The following DCBLD1 variants were observed in gnomAD, a reference collection of about 807,000 sequenced individuals.
DCBLD1 encodes discoidin, CUB and LCCL domain containing 1.
DCBLD1 carries 57 observed loss-of-function variants against 71.5 expected under a neutral mutation model. The ratio of observed to expected loss-of-function variants is 0.80; its 90% CI spans 0.64 to 0.99. The LOEUF is 0.99. Ranked by LOEUF, DCBLD1 falls within the 50% of genes least tolerant of loss-of-function variation. The probability of loss-of-function intolerance (pLI) is 0.00; values close to 1 mark genes in which losing one functional copy is unlikely to be tolerated. For missense variants in DCBLD1, 891 were observed against 923.5 expected, an observed-to-expected ratio of 0.96 and a Z score of 0.46; for synonymous variants, 380 against 363.8, an observed-to-expected ratio of 1.04 and a Z score of -0.51.
chr6:117,512,838 T>A lies in DCBLD1; in HGVS notation c.326-6978T>A, dbSNP rs993640633. Among the ~76,000 whole-genome samples the A allele has an allele frequency of 3.9e-5, 6 of 152,222 alleles. No individual in the cohort carries two copies. The East Asian group carries it at 1.2e-3, about 29-fold the overall frequency. On this transcript the variant is annotated intron_variant, in intron 2 of 14. Coordinates refer to ENST00000338728, the MANE Select transcript of DCBLD1 (RefSeq NM_001366458.2). ...GACCTTTCAGGAGTTAGGTTTTTAT[T>A]TGATCTCTCAGTGGTTTTTCCCACT...
At chr6:117,510,611 G>A (rs1448971343) in intron 2 of DCBLD1, among the ~76,000 whole-genome samples, 1 of 152,120 alleles carries the variant, frequency 6.6e-6, no homozygotes, top group Non-Finnish European at 1.5e-5. Context: ...ATTTAGCATC[G>A]TCTTACAATT....
chr6:117,551,535 A>G (rs1779428066), downstream of DCBLD1, among the ~76,000 whole-genome samples: 2 of 151,824 alleles, frequency 1.3e-5, no homozygotes, highest in East Asian at 3.9e-4. Flanking sequence ...GCCCACCACG[A>G]GGCCCAGCTA....
At chr6:117,521,706 T>C in intron 4 of DCBLD1, 130 bp downstream of exon 4, 1 of 771,598 alleles carries the variant, frequency 1.3e-6, no homozygotes, top group Non-Finnish European at 2.0e-6. Flanking sequence ...TGAGGAATAT[T>C]TGAAATAGTT....
chr6:117,524,605 G>T (rs1442798126), intron 4 of DCBLD1, among the ~76,000 whole-genome samples: 1 of 152,016 alleles, frequency 6.6e-6, no homozygotes, highest in Non-Finnish European at 1.5e-5. Flanking sequence ...CTAGCCACGG[G>T]TACCTAATGA....
chr6:117,537,112 G>A (rs944529917), intron 6 of DCBLD1, 73 bp from the exon 7 acceptor site: 1 of 1,490,322 alleles, frequency 6.7e-7, no homozygotes, highest in Non-Finnish European at 9.4e-7. Flanking sequence ...TGTGAGCCCT[G>A]GGATGTAGCT....
intron 1 of DCBLD1, chr6:117,494,970 G>A (rs1777423237): frequency 6.6e-6 from 1 of 152,162 alleles, no homozygotes; most frequent in Non-Finnish European, 1.5e-5. Context: ...ACTATACACT[G>A]TAAGGGCTTT....
chr6:117,566,811 T>C, intron 14 of DCBLD1: 1 of 1,263,636 alleles, frequency 7.9e-7, no homozygotes, highest in South Asian at 1.8e-5. Context: ...AAACATTTAA[T>C]AATAATGAAT....
intron 4 of DCBLD1, among the ~76,000 whole-genome samples, 188 bp from the exon 5 acceptor site, chr6:117,525,174 T>C (rs1003277416): frequency 6.6e-6 from 1 of 152,138 alleles, no homozygotes; most frequent in Non-Finnish European, 1.5e-5. Flanking sequence ...CTAATAATTA[T>C]TGTATAAAAG....
chr6:117,547,495 C>T (rs1779304522), intron 14 of DCBLD1: 1 of 479,526 alleles, frequency 2.1e-6, no homozygotes, highest in Admixed American at 2.3e-5. Context: ...GTCCTCATAT[C>T]CTATTAAACA....
Position 117,549,569 on chromosome 6 carries a change from T to TG in DCBLD1, c.*1130_*1131insG, listed in dbSNP as rs1562128987. ...TTTGCCAAAGAGGGAAGTGTGTGTG[T>TG]TTTTTTAATAGAAAATATGGACCAA... On this transcript the variant is annotated 3_prime_UTR_variant, in exon 15 of 15. Transcript: ENST00000338728. 1.0e-6 allele frequency: 1 copy of TG among 985,362 alleles called. No homozygotes were observed. The highest frequency in any genetic ancestry group is 4.7e-5 in the South Asian group (1 of 21,286). 61.0% of individuals were successfully genotyped at this position (985,362 alleles called of 1,614,324 possible).
chr6:117,485,230 T>A (rs1178892560), intron 1 of DCBLD1, among the ~76,000 whole-genome samples: 1 of 152,208 alleles, frequency 6.6e-6, no homozygotes, highest in Admixed American at 6.5e-5. Flanking sequence ...AACCTAAAAC[T>A]CCCTGCTTCT....
intron 5 of DCBLD1, among the ~76,000 whole-genome samples, chr6:117,526,056 T>C (rs1031702265): frequency 5.9e-5 from 9 of 152,242 alleles, no homozygotes; most frequent in African/African-American, 2.2e-4. Context: ...GCCTGAGTTA[T>C]TAGAAATCTA....
At chr6:117,539,521 T>C (rs1779018520) in intron 9 of DCBLD1, 142 bp downstream of exon 9, 2 of 961,166 alleles carry the variant, frequency 2.1e-6, no homozygotes, top group Non-Finnish European at 2.9e-6. Context: ...ATCCCCAAGC[T>C]TTGGGAAGCC....
At chr6:117,520,309 T>A (rs1030778294) in intron 3 of DCBLD1, among the ~76,000 whole-genome samples, 1 of 152,232 alleles carries the variant, frequency 6.6e-6, no homozygotes, top group Admixed American at 6.5e-5. Flanking sequence ...CATCCTGGGC[T>A]GCATGTGGCC....
chr6:117,525,218 A>G (rs975436078), intron 4 of DCBLD1, 144 bp from the exon 5 acceptor site: 2 of 458,318 alleles, frequency 4.4e-6, no homozygotes, highest in African/African-American at 4.1e-5. Context: ...ATCAATCTGT[A>G]TTTTCACAAA....
chr6:117,514,815 G>A (rs1778136790), intron 2 of DCBLD1, among the ~76,000 whole-genome samples: 1 of 151,818 alleles, frequency 6.6e-6, no homozygotes, highest in Admixed American at 6.6e-5. Context: ...CCAAATTAGA[G>A]TTTTACTATA....
intron 5 of DCBLD1, among the ~76,000 whole-genome samples, chr6:117,529,179 T>C (rs1364759703): frequency 1.3e-5 from 2 of 152,276 alleles, no homozygotes; most frequent in African/African-American, 4.8e-5. Context: ...TGAATCCTTA[T>C]ATGAAACAAA....
At chr6:117,542,018 C>G (rs2114556791) in intron 11 of DCBLD1, among the ~76,000 whole-genome samples, 2 of 152,280 alleles carry the variant, frequency 1.3e-5, no homozygotes, top group South Asian at 4.1e-4. Flanking sequence ...CGCTACCGGG[C>G]ACATTGGCTC....
chr6:117,536,621 A>G (rs1201579224), intron 6 of DCBLD1, among the ~76,000 whole-genome samples: 2 of 152,184 alleles, frequency 1.3e-5, no homozygotes, highest in Admixed American at 6.5e-5. Context: ...GCTGGTTGCT[A>G]CAGTAGGTAG....
Sources: allele counts gnomAD v4.1 joint callset (sites outside exome capture counted in the v4.1 genomes callset), GRCh38; gene constraint gnomAD v4.1.1; transcripts MANE v1.5; gene names NCBI Gene and HGNC (gene_info 2026-07-23, HGNC 2026-07-21).